The following NDUFS1 variants were observed in gnomAD, a reference collection of about 807,000 sequenced individuals.
NDUFS1 encodes NADH:ubiquinone oxidoreductase core subunit S1.
A neutral mutation model predicts 84.4 loss-of-function variants in NDUFS1; 61 were observed. The observed-to-expected ratio is 0.72, with a 90% CI of 0.59 to 0.89. The LOEUF (loss-of-function observed/expected upper bound fraction) is 0.89, where lower values mean the gene tolerates loss of function less well. Among genes scored for constraint, NDUFS1 ranks in the 40% least tolerant of loss-of-function variants. The pLI, the probability that NDUFS1 is intolerant of heterozygous loss-of-function variation, is 0.00. For synonymous variants in NDUFS1, 275 were observed against 290.0 expected, an observed-to-expected ratio of 0.95 and a Z score of 0.53; for missense variants, 891 against 890.0, an observed-to-expected ratio of 1.00 and a Z score of -0.01.
At position 206,147,808 on chromosome 2, in the gene NDUFS1, G is replaced by T. The variant is rs932186800; in HGVS notation, c.365C>A (p.Ala122Glu). ...AATAGGACAGTCCAATGGGTGATTT[G>T]CTAATAAGAACTCCATCACACCTTC... The part of the protein sequence containing the change: ...AREGVMEFLL[A>E]NHPLDCPICD... The change falls in exon 6 of 19, where the codon GCA (alanine) becomes GAA (glutamate). Residue 122 changes from alanine (A) to glutamate (E), a missense_variant. Transcript: ENST00000233190. 9.9e-6 allele frequency: 16 copies of T among 1,613,908 alleles called. No homozygotes were observed. Among genetic ancestry groups the T allele is most frequent in the Non-Finnish European group, 1.1e-5 (13 of 1,179,912 alleles).
chr2:206,129,980 A>T, intron 15 of NDUFS1, 108 bp downstream of exon 15: 1 of 1,424,970 alleles, frequency 7.0e-7, no homozygotes, highest in Non-Finnish European at 9.8e-7. Context: ...GGGGGAGGCA[A>T]AATTCTCAAA....
intron 13 of NDUFS1, among the ~76,000 whole-genome samples, chr2:206,134,322 A>G (rs1476404043): frequency 2.6e-5 from 4 of 152,182 alleles, no homozygotes; most frequent in African/African-American, 9.6e-5. Flanking sequence ...AGTAATAAAT[A>G]CCATTCCAGA....
intron 3 of NDUFS1, 30 bp from the exon 4 acceptor site, chr2:206,149,955 A>AGG: frequency 7.3e-7 from 1 of 1,363,998 alleles, no homozygotes; most frequent in African/African-American, 1.5e-5. Flanking sequence ...AAAAAAAAAA[A>AGG]AAAGCATTAG....
chr2:206,123,744 C>A lies in NDUFS1; in HGVS notation c.*441G>T. The stretch of plus-strand genomic sequence containing the variant: ...ATGATTATTATTAATTATAATTATC[C>A]TAGATACATATCTGAGCATGATTAT... On this transcript the variant is annotated 3_prime_UTR_variant, in exon 19 of 19. Coordinates refer to ENST00000233190, the MANE Select transcript of NDUFS1 (RefSeq NM_005006.7). 1 of 158,166 alleles carries A rather than the reference C, an allele frequency of 6.3e-6. No individual in the cohort carries two copies. Among genetic ancestry groups the A allele is most frequent in the Non-Finnish European group, 1.4e-5 (1 of 72,002 alleles). The allele number at this position is 158,166 out of a possible 1,614,324, so 9.8% of individuals were successfully genotyped here.
At position 206,124,132 on chromosome 2, in the gene NDUFS1, A is replaced by G. The variant is rs116335919; in HGVS notation, c.*53T>C. The G allele has an allele frequency of 1.8e-6, 2 of 1,097,014 alleles. No homozygotes were observed. Among genetic ancestry groups the G allele is most frequent in the East Asian group, 2.3e-5 (1 of 42,606 alleles). The allele number at this position is 1,097,014 out of a possible 1,614,324, so 68.0% of individuals were successfully genotyped here. A position where few individuals can be genotyped will look rare whatever the true frequency, so the allele number is the denominator to read the frequency against. ...AAATAAACCTGTAAAGGATCACTGC[A>G]CTACAGTTGTCCATTAATTATCTGC... On this transcript the variant is annotated 3_prime_UTR_variant, in exon 19 of 19. Transcript: ENST00000233190.
At chr2:206,140,720 C>G (rs1044456657) in intron 12 of NDUFS1, among the ~76,000 whole-genome samples, 17 of 151,804 alleles carry the variant, frequency 1.1e-4, no homozygotes, top group African/African-American at 4.1e-4. Context: ...CTCAGGTGAT[C>G]CACCTGCCTC....
At position 206,120,223 on chromosome 2, in the gene NDUFS1, C is replaced by CA. The variant is rs913317781; in HGVS notation, c.*3961dup. On this transcript the variant is annotated 3_prime_UTR_variant, in exon 19 of 19. Coordinates refer to ENST00000233190, the MANE Select transcript of NDUFS1 (RefSeq NM_005006.7). ...CTCTTTTGCAAGAATTACCCAATCT[C>CA]AGATATTCCTTTACAGTAATGCAAA... 6.6e-6 allele frequency: 1 copy of CA among 152,232 alleles called. No homozygotes were observed. The highest frequency in any genetic ancestry group is 1.5e-5 in the Non-Finnish European group (1 of 68,076). The allele number at this position is 152,232 out of a possible 1,614,324, so 9.4% of individuals were successfully genotyped here.
In NDUFS1 at chr2:206,138,520, G is replaced by A; in HGVS notation, c.1357C>T (p.Gln453Ter). 1.9e-6 allele frequency: 3 copies of A among 1,614,112 alleles called. No homozygotes were observed. Among genetic ancestry groups the A allele is most frequent in the Non-Finnish European group, 2.5e-6 (3 of 1,179,964 alleles). ...GGATGGCTTCCCGAAGCAATGTCTT[G>A]AAGAATTTTGGGGGAGTCTCCCAGG... ...DHLGDSPKIL[Q>*]DIASGSHPFS... Residue 453 changes from glutamine to a stop codon, truncating the protein, a stop_gained, in exon 13 of 19, where the codon CAA becomes TAA. Transcript: ENST00000233190. LOFTEE classifies it high-confidence loss of function.
At position 206,156,073 on chromosome 2, in the gene NDUFS1, C is replaced by T. The variant is rs558236166; in HGVS notation, c.-4-2391G>A. ...GGTCAAGAGATCGAAACCATCCTGG[C>T]CAACATGGTGAAACCCCTTCTCTAC... On this transcript the variant is annotated intron_variant, in intron 1 of 18. Coordinates refer to ENST00000233190, the MANE Select transcript of NDUFS1 (RefSeq NM_005006.7). Among the ~76,000 whole-genome samples, 3 of 151,106 alleles carry T rather than the reference C, an allele frequency of 2.0e-5. No homozygotes were observed. In the East Asian group the frequency reaches 6.0e-4, roughly 30 times the overall value.
At chr2:206,139,790 T>C (rs1038104658) in intron 12 of NDUFS1, among the ~76,000 whole-genome samples, 9 of 148,594 alleles carry the variant, frequency 6.1e-5, no homozygotes, top group African/African-American at 2.0e-4. Context: ...CAATAAACTA[T>C]ATGGTTACCC....
chr2:206,140,943 T>TACACACACACACACACACACACAC (rs1553505280), intron 12 of NDUFS1, among the ~76,000 whole-genome samples: 2 of 136,110 alleles, frequency 1.5e-5, no homozygotes, highest in African/African-American at 5.6e-5. Flanking sequence ...TATATATATA[T>TACACACACACACACACACACACAC]ACACACACAC....
chr2:206,158,575 A>C (rs1687770802), intron 1 of NDUFS1, among the ~76,000 whole-genome samples: 1 of 152,236 alleles, frequency 6.6e-6, no homozygotes, highest in Non-Finnish European at 1.5e-5. Context: ...CGGATTTAAA[A>C]AGTGCAGGTG....
intron 12 of NDUFS1, among the ~76,000 whole-genome samples, chr2:206,140,634 C>CTA: frequency 6.6e-6 from 1 of 151,898 alleles, no homozygotes. Context: ...GCATGCGCCA[C>CTA]CATGCCCGGC....
At chr2:206,158,948 G>A (rs1687792614) in intron 1 of NDUFS1, 7 of 755,934 alleles carry the variant, frequency 9.3e-6, no homozygotes, top group Non-Finnish European at 1.3e-5. Context: ...CACTGTATCA[G>A]GCGTGTAAAA....
At chr2:206,156,262 C>CAAA (rs577904073) in intron 1 of NDUFS1, among the ~76,000 whole-genome samples, 1 of 94,096 alleles carries the variant, frequency 1.1e-5, no homozygotes, top group African/African-American at 4.1e-5. Context: ...CACTCTGTCT[C>CAAA]AAAAAAAAAA....
In NDUFS1 at chr2:206,142,691, TCCTG is replaced by T. The variant is rs777930846; in HGVS notation, c.1124_1127del (p.Ala375GlufsTer52). Reference sequence around the variant, plus strand: ...CCTAGCTTCATATTTCTCACCCAGCTCCTGCAGTGGGGAAGACCTCTTCAGTGCA... The same window carrying T: ...CCTAGCTTCATATTTCTCACCCAGCTCAGTGGGGAAGACCTCTTCAGTGCA... On this transcript the variant is annotated frameshift_variant, in exon 11 of 19. Transcript: ENST00000233190. LOFTEE classifies it high-confidence loss of function. 6.2e-7 allele frequency: 1 copy of T among 1,614,174 alleles called. No individual in the cohort carries two copies. Among genetic ancestry groups the T allele is most frequent in the South Asian group, 1.1e-5 (1 of 91,082 alleles).
chr2:206,136,987 A>C (rs141771948), intron 13 of NDUFS1, among the ~76,000 whole-genome samples: 8,854 of 151,828 alleles, frequency 0.058, 344 homozygotes, highest in African/African-American at 0.11. Context: ...TCCCGACCTC[A>C]GGTGATCCAC....
rs1691311593 is a variant in NDUFS1 at position 206,126,810 on chromosome 2, T to C, written c.1919A>G (p.Asp640Gly). ...TTCTTCCAATCTGTTCCTTACTTGA[T>C]CCAGAGTATCATATGGAAGAGTCAT... is the stretch of plus-strand genomic sequence containing the variant. ...AGMTLPYDTL[D>G]QVRNRLEEVS... Residue 640 changes from aspartate (D) to glycine (G), a missense_variant, in exon 17 of 19, where the codon GAT (aspartate) becomes GGT (glycine). By Grantham distance (94) the Asp-to-Gly change is moderately conservative (BLOSUM62 -1). Transcript: ENST00000233190. 6.2e-7 allele frequency: 1 copy of C among 1,614,176 alleles called. No individual in the cohort carries two copies. The highest frequency in any genetic ancestry group is 1.3e-5 in the African/African-American group (1 of 75,046).
intron 13 of NDUFS1, among the ~76,000 whole-genome samples, chr2:206,138,113 CAG>C (rs1192953184): frequency 6.6e-6 from 1 of 152,144 alleles, no homozygotes; most frequent in African/African-American, 2.4e-5. Flanking sequence ...GGGGGTGGGA[CAG>C]AGTCTCGCTC....
Sources: gnomAD v4.1 joint callset for allele counts (sites outside exome capture counted in the v4.1 genomes callset) on GRCh38, gnomAD v4.1.1 for gene constraint, MANE v1.5 for transcripts, NCBI Gene and HGNC (gene_info 2026-07-23, HGNC 2026-07-21) for gene names.